NRIP1: variants seen among roughly 807,000 people sequenced by gnomAD.
The protein encoded by NRIP1 is nuclear receptor-interacting protein 1.
A neutral mutation model predicts 75.0 loss-of-function variants in NRIP1; 28 were observed. The ratio of observed to expected loss-of-function variants is 0.37; its 90% CI spans 0.28 to 0.51. The LOEUF is 0.51. Ranked by LOEUF, NRIP1 falls within the 20% of genes least tolerant of loss-of-function variation. The pLI is 0.92. For missense variants in NRIP1, 1,435 were observed against 1,343.7 expected (o/e 1.07, Z -1.06); for synonymous variants, 526 against 487.6 (o/e 1.08, Z -1.04).
intron 3 of NRIP1, among the ~76,000 whole-genome samples, chr21:14,974,949 A>G (rs1257062529): frequency 1.3e-5 from 2 of 151,902 alleles, no homozygotes; most frequent in East Asian, 3.9e-4. Context: ...CTTTACAAAA[A>G]CATTAAAAAA....
At chr21:14,999,994 C>CT (rs1396716981) in intron 3 of NRIP1, among the ~76,000 whole-genome samples, 1 of 152,080 alleles carries the variant, frequency 6.6e-6, no homozygotes, top group African/African-American at 2.4e-5. Context: ...AGATGAAACT[C>CT]TAAGAATTAG....
chr21:14,982,930 C>T (rs1308929175), intron 3 of NRIP1, among the ~76,000 whole-genome samples: 2 of 152,038 alleles, frequency 1.3e-5, no homozygotes, highest in Non-Finnish European at 2.9e-5. Flanking sequence ...GTGCCATGAA[C>T]TGTGCCCATA....
chr21:14,987,676 T>A (rs776626622), intron 3 of NRIP1, among the ~76,000 whole-genome samples: 1 of 152,188 alleles, frequency 6.6e-6, no homozygotes, highest in Non-Finnish European at 1.5e-5. Context: ...GACCGTTGAT[T>A]CCTACAAAGT....
chr21:14,978,420 A>C (rs2087137867), intron 3 of NRIP1, among the ~76,000 whole-genome samples: 1 of 152,148 alleles, frequency 6.6e-6, no homozygotes, highest in African/African-American at 2.4e-5. Flanking sequence ...CAACCCACCT[A>C]ATGCCCCAAA....
At chr21:15,056,186 C>T (rs1047993248) in intron 1 of NRIP1, among the ~76,000 whole-genome samples, 2 of 151,532 alleles carry the variant, frequency 1.3e-5, no homozygotes, top group African/African-American at 4.9e-5. Context: ...TGCTTAAATC[C>T]AGAGCAGCCG....
chr21:14,987,631 A>G (rs148408375), intron 3 of NRIP1, among the ~76,000 whole-genome samples: 2 of 152,280 alleles, frequency 1.3e-5, no homozygotes, highest in East Asian at 3.9e-4. Flanking sequence ...ACTGGCCAAA[A>G]CAGTGTATAA....
intron 3 of NRIP1, among the ~76,000 whole-genome samples, chr21:14,981,823 G>C (rs1287742616): frequency 6.6e-6 from 1 of 150,558 alleles, no homozygotes; most frequent in Non-Finnish European, 1.5e-5. Context: ...ATACTATATT[G>C]ATCTCTTCAC....
chr21:15,030,785 T>C (rs1347827119), intron 2 of NRIP1, among the ~76,000 whole-genome samples: 4 of 151,888 alleles, frequency 2.6e-5, no homozygotes, highest in Non-Finnish European at 5.9e-5. Context: ...GAAATGATGA[T>C]TTAAGTTAAA....
At position 14,966,262 on chromosome 21, in the gene NRIP1, G is replaced by A. The variant is rs2086736312; in HGVS notation, c.1931C>T (p.Ser644Leu). The A allele has an allele frequency of 6.2e-7, 1 of 1,613,922 alleles. No individual in the cohort carries two copies. Among genetic ancestry groups the A allele is most frequent in the East Asian group, 2.2e-5 (1 of 44,892 alleles). ...TTTGCTGGGTCTCTGCTCTTCCACT[G>A]ACATGGATGACTGCATTCCACATTG... ...LAQCGMQSSM[S>L]VEEQRPSKQL... The change falls in exon 4 of 4, where the codon TCA becomes TTA. Residue 644 changes from serine (S) to leucine (L), a missense_variant. Physicochemically the swap from Ser to Leu is moderately radical, Grantham distance 145 (BLOSUM62 -2). Coordinates refer to ENST00000318948, the MANE Select transcript of NRIP1 (RefSeq NM_003489.4).
At chr21:15,030,040 A>G (rs2088608556) in intron 2 of NRIP1, among the ~76,000 whole-genome samples, 1 of 152,182 alleles carries the variant, frequency 6.6e-6, no homozygotes, top group African/African-American at 2.4e-5. Context: ...CTTGTGACAA[A>G]TAATGTCTAC....
chr21:15,010,119 T>G (rs1265458534), intron 3 of NRIP1, among the ~76,000 whole-genome samples: 1 of 152,142 alleles, frequency 6.6e-6, no homozygotes, highest in African/African-American at 2.4e-5. Flanking sequence ...CTCATATACC[T>G]CTAATCCAGA....
intron 2 of NRIP1, among the ~76,000 whole-genome samples, chr21:15,028,286 T>C (rs1269852821): frequency 6.6e-6 from 1 of 152,218 alleles, no homozygotes; most frequent in East Asian, 1.9e-4. Flanking sequence ...AAGCCATTCA[T>C]CCTGATAAAC....
intron 1 of NRIP1, among the ~76,000 whole-genome samples, chr21:15,063,828 T>C (rs943699466): frequency 1.3e-5 from 2 of 152,218 alleles, no homozygotes; most frequent in Middle Eastern, 3.2e-3. Context: ...TCCGTACTTC[T>C]TTTACTACCT....
intron 3 of NRIP1, among the ~76,000 whole-genome samples, chr21:14,970,996 AT>A (rs1357479197): frequency 2.0e-5 from 3 of 152,296 alleles, no homozygotes; most frequent in Middle Eastern, 3.4e-3. Context: ...CCTCTCTACC[AT>A]TTATTTCCTA....
intron 2 of NRIP1, among the ~76,000 whole-genome samples, chr21:15,033,970 C>A (rs1464889918): frequency 6.6e-6 from 1 of 152,154 alleles, no homozygotes; most frequent in Non-Finnish European, 1.5e-5. Flanking sequence ...ATGCTAAAGA[C>A]ACAAATATAA....
rs79592311 is a variant in NRIP1 at position 15,008,152 on chromosome 21, A to G, written c.-335+6192T>C. 0.018 allele frequency among the ~76,000 whole-genome samples: 2,783 copies of G among 152,202 alleles called. 232 individuals carry two copies. The East Asian group carries it at 0.27, about 15-fold the overall frequency. ...AACAGAGTATCAGCCAAGGTAAGAG[A>G]GTAGGGAGTAAAACAGAACAGGAGT... On this transcript the variant is annotated intron_variant, in intron 3 of 3. Transcript: ENST00000318948.
intron 3 of NRIP1, among the ~76,000 whole-genome samples, chr21:15,008,233 C>G (rs527789110): frequency 6.6e-6 from 1 of 151,986 alleles, no homozygotes; most frequent in Non-Finnish European, 1.5e-5. Context: ...AGAAAAGGAC[C>G]GCCAGCATCA....
At chr21:15,048,238 A>T (rs1244233712) in intron 1 of NRIP1, among the ~76,000 whole-genome samples, 1 of 152,246 alleles carries the variant, frequency 6.6e-6, no homozygotes, top group Non-Finnish European at 1.5e-5. Flanking sequence ...ACAAAGACAC[A>T]AACTGAAAAC....
At chr21:14,984,633 T>C (rs1002692698) in intron 3 of NRIP1, among the ~76,000 whole-genome samples, 4 of 152,214 alleles carry the variant, frequency 2.6e-5, no homozygotes, top group African/African-American at 9.6e-5. Flanking sequence ...TGACTCTTTT[T>C]GAAAGAAGTT....
Sources: gnomAD v4.1 joint callset for allele counts (sites outside exome capture counted in the v4.1 genomes callset) on GRCh38, gnomAD v4.1.1 for gene constraint, MANE v1.5 for transcripts, NCBI Gene and HGNC (gene_info 2026-07-23, HGNC 2026-07-21) for gene names.